ATP9B: variants seen among roughly 807,000 people sequenced by gnomAD.
ATP9B encodes probable phospholipid-transporting ATPase IIB.
Under a neutral mutation model 146.1 loss-of-function variants are expected in ATP9B, and 110 were observed. The observed-to-expected ratio is 0.75, with a 90% confidence interval of 0.65 to 0.88. ATP9B has a LOEUF of 0.88. ATP9B is among the 40% of genes least tolerant of loss of function. ATP9B has a pLI of 0.00. For synonymous variants in ATP9B, 604 were observed against 569.7 expected (o/e 1.06, Z -0.86); for missense variants, 1,499 against 1,496.4 (o/e 1.00, Z -0.03).
Position 79,305,044 on chromosome 18 carries a change from A to C in ATP9B, c.1524+1328A>C, listed in dbSNP as rs533905130. Reference sequence around the variant, plus strand: ...CCCGGACTTGCAGAGGCCACCCTTCAAAAGTGTACACAGCCCACCCTGGGA... The same window carrying C: ...CCCGGACTTGCAGAGGCCACCCTTCCAAAGTGTACACAGCCCACCCTGGGA... On this transcript the variant is annotated intron_variant, in intron 14 of 29. Coordinates refer to ENST00000426216, the MANE Select transcript of ATP9B (RefSeq NM_198531.5). 9.2e-4 allele frequency among the ~76,000 whole-genome samples: 140 copies of C among 152,058 alleles called. 1 individual carries two copies. The highest frequency in any genetic ancestry group is 3.2e-3 in the African/African-American group (132 of 41,492).
intron 1 of ATP9B, among the ~76,000 whole-genome samples, chr18:79,094,338 C>T (rs2074603226): frequency 6.6e-6 from 1 of 152,200 alleles, no homozygotes; most frequent in Admixed American, 6.5e-5. Context: ...CTGGTTTATC[C>T]CATGTCTCCA....
At position 79,337,300 on chromosome 18, in the gene ATP9B, CT is replaced by C; in HGVS notation, c.2135del (p.Leu712ArgfsTer13). The C allele has an allele frequency of 6.2e-7, 1 of 1,614,016 alleles. No homozygotes were observed. Among genetic ancestry groups the C allele is most frequent in the Non-Finnish European group, 8.5e-7 (1 of 1,179,998 alleles). Reference sequence around the variant, plus strand: ...CCAGAGCCGATACACTCAAGCCAAGCTGAGCATGCACGACAGGTCCCTCAAG... The same window carrying C: ...CCAGAGCCGATACACTCAAGCCAAGCGAGCATGCACGACAGGTCCCTCAAG... The part of the protein sequence containing the change: ...DFESRYTQAK[L>X]SMHDRSLKVA... On this transcript the variant is annotated frameshift_variant, in exon 19 of 30. Coordinates refer to ENST00000426216, the MANE Select transcript of ATP9B (RefSeq NM_198531.5). LOFTEE classifies it high-confidence loss of function.
At chr18:79,291,677 A>G (rs4798898) in intron 13 of ATP9B, among the ~76,000 whole-genome samples, 70,390 of 152,048 alleles carry the variant, frequency 0.46, 16,474 homozygotes, top group Middle Eastern at 0.55. Flanking sequence ...AAACTTTATC[A>G]TTCGTTGATG....
At chr18:79,329,328 C>G (rs78994509) in intron 16 of ATP9B, 26 bp downstream of exon 16, 2 of 1,552,752 alleles carry the variant, frequency 1.3e-6, no homozygotes, top group Admixed American at 3.8e-5. Flanking sequence ...GGGTGCCACG[C>G]GATGGCTTCA....
At chr18:79,318,424 CA>C (rs1266610924) in intron 15 of ATP9B, among the ~76,000 whole-genome samples, 1 of 152,218 alleles carries the variant, frequency 6.6e-6, no homozygotes, top group Non-Finnish European at 1.5e-5. Flanking sequence ...AATCATCAGA[CA>C]AATAAAACTG....
In ATP9B at chr18:79,071,399, C is replaced by CTTTTTTTTTTTTTTTTTTTTTTTTTTT. The variant is rs56119715; in HGVS notation, c.119+1884_119+1885insTTTTTTTTTTTTTTTTTTTTTTTTTTT. Among the ~76,000 whole-genome samples the CTTTTTTTTTTTTTTTTTTTTTTTTTTT allele has an allele frequency of 6.2e-3, 431 of 69,260 alleles. 91 individuals carry two copies. Among genetic ancestry groups the CTTTTTTTTTTTTTTTTTTTTTTTTTTT allele is most frequent in the Non-Finnish European group, 8.0e-3 (290 of 36,124 alleles). The allele number at this position is 69,260 out of a possible 152,430, so 45.4% of individuals were successfully genotyped here. Reference sequence around the variant, plus strand: ...ATTTCCCCTTTTTCTATTGTTCTTCCTTTTTTTTTTTTTTGAGACAGGGTC... The same window carrying CTTTTTTTTTTTTTTTTTTTTTTTTTTT: ...ATTTCCCCTTTTTCTATTGTTCTTCCTTTTTTTTTTTTTTTTTTTTTTTTTTTTTTTTTTTTTTTTTGAGACAGGGTC... On this transcript the variant is annotated intron_variant, in intron 1 of 29. Transcript: ENST00000426216.
At chr18:79,232,251 C>A (rs982331973) in intron 11 of ATP9B, among the ~76,000 whole-genome samples, 4 of 152,182 alleles carry the variant, frequency 2.6e-5, no homozygotes, top group African/African-American at 9.7e-5. Context: ...TGCAGGGGCA[C>A]AGACCCATTA....
intron 7 of ATP9B, among the ~76,000 whole-genome samples, chr18:79,170,155 AGCCG>A (rs962300097): frequency 1.3e-5 from 2 of 152,206 alleles, no homozygotes; most frequent in African/African-American, 4.8e-5. Context: ...GAGGAGCTGC[AGCCG>A]GCCGGTAACT....
chr18:79,285,473 T>C (rs1002473287), intron 13 of ATP9B, among the ~76,000 whole-genome samples: 6 of 152,222 alleles, frequency 3.9e-5, no homozygotes, highest in African/African-American at 9.6e-5. Context: ...GGGTTGTTTT[T>C]TTCTTGTAAA....
At chr18:79,376,918 C>T (rs1318234) in intron 29 of ATP9B, among the ~76,000 whole-genome samples, 34,731 of 151,870 alleles carry the variant, frequency 0.23, 4,644 homozygotes, top group East Asian at 0.52. Context: ...AGGATGGTCT[C>T]GAACTCCTGA....
At chr18:79,148,274 G>T (rs747979612) in intron 6 of ATP9B, among the ~76,000 whole-genome samples, 21 of 152,194 alleles carry the variant, frequency 1.4e-4, no homozygotes, top group Non-Finnish European at 2.8e-4. Flanking sequence ...AAATAATTGA[G>T]AATGGTACAC....
At chr18:79,332,747 G>A (rs1049570931) in intron 17 of ATP9B, 10 of 152,254 alleles carry the variant, frequency 6.6e-5, no homozygotes, top group African/African-American at 2.4e-4. Flanking sequence ...AACGACAGGA[G>A]GTATAATGAA....
At chr18:79,122,132 T>A (rs1448682540) in intron 4 of ATP9B, among the ~76,000 whole-genome samples, 1 of 152,204 alleles carries the variant, frequency 6.6e-6, no homozygotes, top group Non-Finnish European at 1.5e-5. Flanking sequence ...TTACAAAAAA[T>A]CTTTTCAGGT....
intron 12 of ATP9B, among the ~76,000 whole-genome samples, chr18:79,262,765 T>G (rs1432960145): frequency 1.3e-5 from 2 of 152,218 alleles, no homozygotes; most frequent in Non-Finnish European, 2.9e-5. Context: ...CATCTAGCAC[T>G]TAGCACCCGT....
At chr18:79,310,535 A>C (rs2096646733) in intron 15 of ATP9B, among the ~76,000 whole-genome samples, 1 of 152,226 alleles carries the variant, frequency 6.6e-6, no homozygotes, top group South Asian at 2.1e-4. Context: ...GGCTTCTAGA[A>C]GCAGAAGAAT....
rs4302115 is a variant in ATP9B, at chr18:79,084,040, G to A, written c.120-12436G>A. On this transcript the variant is annotated intron_variant, in intron 1 of 29. Transcript: ENST00000426216. Reference sequence around the variant, plus strand: ...TGCCCGGCTAATTTTTTTTGTTTTAGTAGAGACAGGGTTTCACCATGTTGG... The same window carrying A: ...TGCCCGGCTAATTTTTTTTGTTTTAATAGAGACAGGGTTTCACCATGTTGG... 2.6e-3 allele frequency among the ~76,000 whole-genome samples: 388 copies of A among 151,784 alleles called. 1 individual carries two copies. Among genetic ancestry groups the A allele is most frequent in the Non-Finnish European group, 4.2e-3 (282 of 67,876 alleles).
At chr18:79,217,335 C>T (rs1278669768) in intron 11 of ATP9B, among the ~76,000 whole-genome samples, 1 of 152,200 alleles carries the variant, frequency 6.6e-6, no homozygotes, top group Non-Finnish European at 1.5e-5. Context: ...CAGGCGTCCA[C>T]CGCCACGCCT....
chr18:79,103,836 T>C (rs1487390833), intron 2 of ATP9B, among the ~76,000 whole-genome samples: 1 of 152,044 alleles, frequency 6.6e-6, no homozygotes, highest in Non-Finnish European at 1.5e-5. Flanking sequence ...TGGGGAGTTG[T>C]GGTGAGGTAG....
intron 27 of ATP9B, among the ~76,000 whole-genome samples, 166 bp downstream of exon 27, chr18:79,373,048 G>A (rs893104942): frequency 1.5e-5 from 1 of 66,834 alleles, no homozygotes; most frequent in Admixed American, 2.1e-4. Flanking sequence ...AGCAACATGG[G>A]TCCTTTTTTT....
Sources: allele counts gnomAD v4.1 joint callset (sites outside exome capture counted in the v4.1 genomes callset), GRCh38; gene constraint gnomAD v4.1.1; transcripts MANE v1.5; gene names NCBI Gene and HGNC (gene_info 2026-07-23, HGNC 2026-07-21).